Variants in LARP4 observed in about 807,000 individuals in gnomAD.
The protein encoded by LARP4 is La ribonucleoprotein 4.
A neutral mutation model predicts 92.9 loss-of-function variants in LARP4; 29 were observed. The observed-to-expected ratio is 0.31, with a 90% CI of 0.23 to 0.43. The LOEUF (loss-of-function observed/expected upper bound fraction) is 0.43. Among genes scored for constraint, LARP4 ranks in the 20% least tolerant of loss-of-function variants. The pLI is 1.00. For missense variants in LARP4, 732 were observed against 860.0 expected, an observed-to-expected ratio of 0.85 and a Z score of 1.86; for synonymous variants, 279 against 284.1, an observed-to-expected ratio of 0.98 and a Z score of 0.18.
At chr12:50,453,955 A>G (rs1023115448) in intron 9 of LARP4, among the ~76,000 whole-genome samples, 7 of 152,158 alleles carry the variant, frequency 4.6e-5, no homozygotes, top group African/African-American at 1.4e-4. Context: ...AGTGATATGG[A>G]TATCTAATTC....
At chr12:50,408,764 T>C (rs960858126) in intron 1 of LARP4, among the ~76,000 whole-genome samples, 1 of 152,176 alleles carries the variant, frequency 6.6e-6, no homozygotes, top group African/African-American at 2.4e-5. Flanking sequence ...AGGTTTACTG[T>C]GTGCTTATTG....
chr12:50,429,102 G>C lies in LARP4; in HGVS notation c.322+12G>C. 2 of 1,605,688 alleles carry C rather than the reference G, an allele frequency of 1.2e-6. No homozygotes were observed. On this transcript the variant is annotated intron_variant, in intron 3 of 15. Coordinates refer to ENST00000398473, the MANE Select transcript of LARP4 (RefSeq NM_052879.5). ...ATATGATGTTTCCGGTAAACTTTAT[G>C]GTTTTATTGTTAAAATGAGAATTCA...
intron 1 of LARP4, chr12:50,412,377 A>G: frequency 1.1e-6 from 1 of 935,666 alleles, no homozygotes; most frequent in Non-Finnish European, 1.3e-6. Flanking sequence ...CATTTAATCA[A>G]TTTATACATT....
intron 10 of LARP4, among the ~76,000 whole-genome samples, chr12:50,460,305 C>T (rs1955141069): frequency 1.3e-5 from 2 of 152,156 alleles, no homozygotes; most frequent in African/African-American, 2.4e-5. Context: ...TTTCCCCCGT[C>T]TCTCCAAACA....
chr12:50,434,455 G>A (rs540702836), intron 4 of LARP4, among the ~76,000 whole-genome samples: 1 of 124,194 alleles, frequency 8.1e-6, no homozygotes, highest in East Asian at 2.3e-4. Context: ...TTTCGCCCTT[G>A]TTGCCCCAAC....
intron 6 of LARP4, among the ~76,000 whole-genome samples, chr12:50,438,903 A>G (rs1565618923): frequency 6.6e-6 from 1 of 152,214 alleles, no homozygotes; most frequent in Non-Finnish European, 1.5e-5. Flanking sequence ...TTAGTAACTG[A>G]CATTGTAATT....
chr12:50,454,858 A>C (rs2138346441), intron 10 of LARP4: 1 of 155,112 alleles, frequency 6.4e-6, no homozygotes, highest in South Asian at 2.0e-4. Flanking sequence ...TACAGTGCAC[A>C]ACAGACAGTA....
At chr12:50,452,705 G>C in intron 8 of LARP4, among the ~76,000 whole-genome samples, 1 of 152,004 alleles carries the variant, frequency 6.6e-6, no homozygotes, top group East Asian at 1.9e-4. Flanking sequence ...ACATATGCCT[G>C]CATTTCTTTT....
chr12:50,443,033 T>G (rs943504477), intron 8 of LARP4, among the ~76,000 whole-genome samples: 3 of 152,218 alleles, frequency 2.0e-5, no homozygotes, highest in Non-Finnish European at 4.4e-5. Flanking sequence ...TTAATAGCTT[T>G]AAAGTTTTAA....
rs114786726 is a variant in LARP4, at chr12:50,408,592, G to A, written c.18+7564G>A. Reference sequence around the variant, plus strand: ...GGTTTGTGTAACAAATAGTTCGATAGTATTTCATACTACTGACTAGCAGGT... The same window carrying A: ...GGTTTGTGTAACAAATAGTTCGATAATATTTCATACTACTGACTAGCAGGT... On this transcript the variant is annotated intron_variant, in intron 1 of 15. Transcript: ENST00000398473. Among the ~76,000 whole-genome samples the A allele has an allele frequency of 8.0e-3, 1,213 of 152,228 alleles. 14 individuals carry two copies. Among genetic ancestry groups the A allele is most frequent in the African/African-American group, 0.028 (1,160 of 41,530 alleles).
At chr12:50,428,046 A>C in intron 2 of LARP4, 137 bp downstream of exon 2, 1 of 530,710 alleles carries the variant, frequency 1.9e-6, no homozygotes, top group Non-Finnish European at 2.9e-6. Flanking sequence ...CCCAGGCTGG[A>C]GTACAGTGGC....
intron 9 of LARP4, among the ~76,000 whole-genome samples, chr12:50,453,989 A>G (rs540835048): frequency 6.6e-6 from 1 of 152,272 alleles, no homozygotes; most frequent in Non-Finnish European, 1.5e-5. Context: ...AATGCATATG[A>G]CTAAGAGGTG....
At chr12:50,429,375 C>G (rs1485920878) in intron 3 of LARP4, among the ~76,000 whole-genome samples, 1 of 151,770 alleles carries the variant, frequency 6.6e-6, no homozygotes, top group African/African-American at 2.4e-5. Flanking sequence ...TTTAGGAGGC[C>G]CAGGCGGGCA....
intron 11 of LARP4, chr12:50,461,592 A>C (rs1383177271): frequency 2.4e-6 from 1 of 411,174 alleles, no homozygotes; most frequent in Non-Finnish European, 4.3e-6. Context: ...CTTATAGCTC[A>C]TATAAGAAAG....
intron 1 of LARP4, among the ~76,000 whole-genome samples, chr12:50,414,953 C>T (rs894028905): frequency 1.3e-5 from 2 of 152,108 alleles, no homozygotes. Context: ...GCCTGTAATC[C>T]CAGCACTTCA....
At position 50,473,528 on chromosome 12, in the gene LARP4, T is replaced by C. The variant is rs368605459; in HGVS notation, c.1659T>C (p.Thr553=). 6 of 1,613,154 alleles carry C rather than the reference T, an allele frequency of 3.7e-6. No homozygotes were observed. The African/African-American group carries it at 8.0e-5, about 22-fold the overall frequency. ...GTTCTCCATGTGCTGCTGAGCTTACTGCATTAAGGTACAAGTTATAGTATA... is the reference window on the plus strand; with the variant it reads ...GTTCTCCATGTGCTGCTGAGCTTACCGCATTAAGGTACAAGTTATAGTATA... ...STSSPCAAEL[T]ALSTTQQEKD... Residue 553 remains threonine (T), a synonymous_variant, in exon 14 of 16, where the codon ACT becomes ACC. Coordinates refer to ENST00000398473, the MANE Select transcript of LARP4 (RefSeq NM_052879.5).
intron 7 of LARP4, chr12:50,441,176 C>A (rs941830415): frequency 6.2e-6 from 1 of 161,190 alleles, no homozygotes; most frequent in African/African-American, 2.4e-5. Context: ...AGCCACTGCA[C>A]CCGGTGATGG....
intron 12 of LARP4, among the ~76,000 whole-genome samples, chr12:50,465,740 C>T (rs1284315700): frequency 6.6e-6 from 1 of 152,140 alleles, no homozygotes; most frequent in African/African-American, 2.4e-5. Context: ...CAAATGTTAT[C>T]TCGGTTGTAG....
chr12:50,442,081 A>T (rs191705983), intron 8 of LARP4, among the ~76,000 whole-genome samples: 5 of 152,152 alleles, frequency 3.3e-5, no homozygotes, highest in Non-Finnish European at 7.4e-5. Flanking sequence ...TCTGGCTTGT[A>T]TTATGTGCTA....
Sources: gnomAD v4.1 joint callset for allele counts (sites outside exome capture counted in the v4.1 genomes callset) on GRCh38, gnomAD v4.1.1 for gene constraint, MANE v1.5 for transcripts, NCBI Gene and HGNC (gene_info 2026-07-23, HGNC 2026-07-21) for gene names.